PLAAT3: variants seen among roughly 807,000 people sequenced by gnomAD.
The protein encoded by PLAAT3 is Ca-independent phospholipase A1/2.
Under a neutral mutation model 16.7 loss-of-function variants are expected in PLAAT3, and 21 were observed. The ratio of observed to expected loss-of-function variants is 1.26; its 90% confidence interval spans 0.89 to 1.81. PLAAT3 has a LOEUF of 1.81. Ranked by LOEUF, PLAAT3 falls within the 40% of genes most tolerant of loss-of-function variation. The pLI is 0.00. For synonymous variants in PLAAT3, 76 were observed against 81.7 expected (o/e 0.93, Z 0.38); for missense variants, 219 against 213.7 (o/e 1.02, Z -0.16).
chr11:63,613,871 T>C, intron 2 of PLAAT3, 129 bp downstream of exon 2: 1 of 662,488 alleles, frequency 1.5e-6, no homozygotes. Flanking sequence ...GCCTCGCAGC[T>C]GACAGAGGTG....
rs769858058 is a variant in PLAAT3 at position 63,614,049 on chromosome 11, CG to C, written c.-36del. ...CGGTGTGGACCCTCAAGGCCAGGCT[CG>C]ATTTCGCTGCGTAGATGTCTGAGGC... is the stretch of plus-strand genomic sequence containing the variant. On this transcript the variant is annotated 5_prime_UTR_variant, in exon 2 of 5. The change creates a new upstream start codon in the 5' untranslated region. Coordinates refer to ENST00000415826, the MANE Select transcript of PLAAT3 (RefSeq NM_001128203.2). The C allele has an allele frequency of 4.3e-6, 7 of 1,613,634 alleles. No individual in the cohort carries two copies. In the South Asian group the frequency reaches 7.7e-5, roughly 18 times the overall value.
chr11:63,601,209 C>T (rs1345971964), intron 2 of PLAAT3, among the ~76,000 whole-genome samples: 1 of 151,304 alleles, frequency 6.6e-6, no homozygotes, highest in Admixed American at 6.6e-5. Flanking sequence ...CGCCTGCCAC[C>T]ACATCCGGCT....
At chr11:63,603,751 CACA>C (rs1565255527) in intron 2 of PLAAT3, among the ~76,000 whole-genome samples, 425 of 34,536 alleles carry the variant, frequency 0.012, 3 homozygotes, top group African/African-American at 0.048. Flanking sequence ...CACACACACA[CACA>C]GACAGAGATA....
chr11:63,602,251 C>T (rs1311627113), intron 2 of PLAAT3, among the ~76,000 whole-genome samples: 1 of 149,408 alleles, frequency 6.7e-6, no homozygotes, highest in Non-Finnish European at 1.5e-5. Flanking sequence ...GATCGCACCA[C>T]TGCCCTCCAG....
intron 3 of PLAAT3, among the ~76,000 whole-genome samples, chr11:63,596,226 C>A (rs1178948434): frequency 9.1e-6 from 1 of 110,112 alleles, no homozygotes; most frequent in Non-Finnish European, 1.7e-5. Context: ...GGCGACAGAG[C>A]GAGACTCTGT....
In PLAAT3 at chr11:63,574,803, C is replaced by T. The variant is rs2017636744; in HGVS notation, c.*142G>A. 3 of 619,550 alleles carry T rather than the reference C, an allele frequency of 4.8e-6. No individual in the cohort carries two copies. In the South Asian group the frequency reaches 5.8e-5, roughly 12 times the overall value. 38.4% of individuals were successfully genotyped at this position (619,550 alleles called of 1,614,324 possible). A position where few individuals can be genotyped will look rare whatever the true frequency, so the allele number is the denominator to read the frequency against. ...CTGCACTTCCCCCAATAAAATCCTC[C>T]CTCGTTTTGCTTTATTTTATTCTGT... On this transcript the variant is annotated 3_prime_UTR_variant, in exon 5 of 5. Transcript: ENST00000415826.
chr11:63,587,555 G>T, intron 4 of PLAAT3, among the ~76,000 whole-genome samples: 1 of 148,838 alleles, frequency 6.7e-6, no homozygotes, highest in African/African-American at 2.5e-5. Context: ...TGTTTCTTGG[G>T]TCTTTTTTTT....
At chr11:63,615,034 A>ATATATATATATATATATATG (rs1490480530), upstream of PLAAT3, among the ~76,000 whole-genome samples, 729 of 28,006 alleles carry the variant, frequency 0.026, 80 homozygotes, top group East Asian at 0.058. Context: ...ATATGTGTGT[A>ATATATATATATATATATATG]TATATATGTA....
chr11:63,600,499 G>A lies in PLAAT3; in HGVS notation c.16-2336C>T, dbSNP rs1368678868. Among the ~76,000 whole-genome samples the A allele has an allele frequency of 3.3e-5, 5 of 152,198 alleles. No homozygotes were observed. In the South Asian group the frequency reaches 6.2e-4, roughly 19 times the overall value. ...GTGATCTGTGATTGTCACAGGGGTT[G>A]AGGAGAGGGACTGACTAGCAAGAGG... On this transcript the variant is annotated intron_variant, in intron 2 of 4. Coordinates refer to ENST00000415826, the MANE Select transcript of PLAAT3 (RefSeq NM_001128203.2).
In PLAAT3 at chr11:63,614,405, G is replaced by T. The variant is rs3809073; in HGVS notation, c.-75C>A. 70,579 of 215,094 alleles carry T rather than the reference G, an allele frequency of 0.33. 12,410 individuals carry two copies. Among genetic ancestry groups the T allele is most frequent in the East Asian group, 0.6 (5,756 of 9,580 alleles). 13.3% of individuals were successfully genotyped at this position (215,094 alleles called of 1,614,324 possible). ...CCCACCTCGCGGTCTCGGAGGCAGCGCTGCAGCCCCAGCAATTGGACCGGG... is the reference window on the plus strand; with the variant it reads ...CCCACCTCGCGGTCTCGGAGGCAGCTCTGCAGCCCCAGCAATTGGACCGGG... On this transcript the variant is annotated 5_prime_UTR_variant, in exon 1 of 5. Coordinates refer to ENST00000415826, the MANE Select transcript of PLAAT3 (RefSeq NM_001128203.2).
chr11:63,602,954 C>A (rs663053), intron 2 of PLAAT3, among the ~76,000 whole-genome samples: 7 of 152,102 alleles, frequency 4.6e-5, no homozygotes, highest in Admixed American at 2.0e-4. Flanking sequence ...TTAGCCACGC[C>A]TGTTGGCAGG....
intron 2 of PLAAT3, among the ~76,000 whole-genome samples, chr11:63,605,254 T>C (rs975208647): frequency 3.1e-4 from 47 of 151,894 alleles, no homozygotes; most frequent in African/African-American, 1.1e-3. Flanking sequence ...AAAAATGAGC[T>C]GGGCATGGTG....
At chr11:63,615,284 ATGTGTATATATATG>A (rs1938836509), upstream of PLAAT3, among the ~76,000 whole-genome samples, 6 of 65,374 alleles carry the variant, frequency 9.2e-5, 3 homozygotes, top group South Asian at 2.5e-3. Context: ...ATGTGTATAT[ATGTGTATATATATG>A]TGTGTATATA....
At chr11:63,584,516 T>C (rs972488902) in intron 4 of PLAAT3, among the ~76,000 whole-genome samples, 1 of 149,270 alleles carries the variant, frequency 6.7e-6, no homozygotes, top group Non-Finnish European at 1.5e-5. Flanking sequence ...TTGTTTTTTT[T>C]TGTTTTTTTT....
At chr11:63,607,719 T>C (rs1310096532) in intron 2 of PLAAT3, among the ~76,000 whole-genome samples, 3 of 151,584 alleles carry the variant, frequency 2.0e-5, no homozygotes, top group Admixed American at 6.6e-5. Context: ...GGGGAGGAAG[T>C]AGCCTTTATG....
At chr11:63,592,000 G>T (rs1269281760) in intron 3 of PLAAT3, among the ~76,000 whole-genome samples, 2 of 152,152 alleles carry the variant, frequency 1.3e-5, no homozygotes, top group Admixed American at 6.6e-5. Flanking sequence ...CAGGACAGGG[G>T]TACCCTGTGC....
chr11:63,577,577 C>T (rs1220476242), intron 4 of PLAAT3, among the ~76,000 whole-genome samples: 2 of 151,584 alleles, frequency 1.3e-5, no homozygotes, highest in Non-Finnish European at 2.9e-5. Context: ...TCTGGAGAAA[C>T]AGAAACTATA....
chr11:63,609,149 A>G (rs1384202317), intron 2 of PLAAT3, among the ~76,000 whole-genome samples: 1 of 152,200 alleles, frequency 6.6e-6, no homozygotes, highest in Admixed American at 6.5e-5. Flanking sequence ...CGAATTCTCC[A>G]TGTCCCAAAA....
chr11:63,616,612 A>C (rs1938879571), upstream of PLAAT3: 1 of 152,110 alleles, frequency 6.6e-6, no homozygotes, highest in Non-Finnish European at 1.5e-5. Context: ...TCGGTGTAGA[A>C]GTAACTGACA....
Sources: allele counts gnomAD v4.1 joint callset (sites outside exome capture counted in the v4.1 genomes callset), GRCh38; gene constraint gnomAD v4.1.1; transcripts MANE v1.5; gene names NCBI Gene and HGNC (gene_info 2026-07-23, HGNC 2026-07-21).